WNT7A: variants seen among roughly 807,000 people sequenced by gnomAD.
WNT7A encodes the protein protein Wnt-7a.
WNT7A carries 16 observed loss-of-function variants against 28.2 expected under a neutral mutation model. That is an observed-to-expected ratio of 0.57 (90% confidence interval 0.38 to 0.86). WNT7A has a LOEUF of 0.86. Ranked by LOEUF, WNT7A falls within the 40% of genes least tolerant of loss-of-function variation. The pLI, the probability that WNT7A is intolerant of heterozygous loss-of-function variation, is 0.00. For missense variants in WNT7A, 411 were observed against 489.7 expected (o/e 0.84, Z 1.52); for synonymous variants, 190 against 195.9 (o/e 0.97, Z 0.25).
At position 13,817,762 on chromosome 3, in the gene WNT7A, C is replaced by T. The variant is rs1181070703; in HGVS notation, c.*1182G>A. On this transcript the variant is annotated 3_prime_UTR_variant, in exon 4 of 4. Transcript: ENST00000285018. The stretch of plus-strand genomic sequence containing the variant: ...GAGGTGTGGGGCTCCCTGAACTGGC[C>T]TCTGCTGCAGGATGACGGTCAAGTC... 6.6e-6 allele frequency: 1 copy of T among 152,412 alleles called. No homozygotes were observed. Among genetic ancestry groups the T allele is most frequent in the East Asian group, 1.9e-4 (1 of 5,178 alleles). 9.4% of individuals were successfully genotyped at this position (152,412 alleles called of 1,614,324 possible).
rs147652035 is a variant in WNT7A at position 13,842,105 on chromosome 3, C to A, written c.570+12427G>T. On this transcript the variant is annotated intron_variant, in intron 3 of 3. Coordinates refer to ENST00000285018, the MANE Select transcript of WNT7A (RefSeq NM_004625.4). ...GGTGAGGGAGGGGCCTGTGAGCCACCGTGAAGGCTTCTGTGTCTACTCTGG... is the reference window on the plus strand; with the variant it reads ...GGTGAGGGAGGGGCCTGTGAGCCACAGTGAAGGCTTCTGTGTCTACTCTGG... Among the ~76,000 whole-genome samples the A allele has an allele frequency of 1.6e-3, 241 of 152,064 alleles. 1 individual carries two copies. Among genetic ancestry groups the A allele is most frequent in the African/African-American group, 5.6e-3 (234 of 41,470 alleles).
chr3:13,852,107 C>A (rs1404239971), intron 3 of WNT7A, among the ~76,000 whole-genome samples: 1 of 152,232 alleles, frequency 6.6e-6, no homozygotes, highest in East Asian at 1.9e-4. Flanking sequence ...GCCCCTGCAG[C>A]ATTTATTCTC....
At chr3:13,863,828 T>A (rs1257444632) in intron 2 of WNT7A, 1 of 152,166 alleles carries the variant, frequency 6.6e-6, no homozygotes, top group Non-Finnish European at 1.5e-5. Flanking sequence ...CAGCCCTAGA[T>A]GGGTAAAATG....
intron 2 of WNT7A, among the ~76,000 whole-genome samples, chr3:13,859,984 A>G (rs1378045074): frequency 6.6e-6 from 1 of 151,024 alleles, no homozygotes; most frequent in Non-Finnish European, 1.5e-5. Flanking sequence ...AGCCCCTTAT[A>G]GCCCATCTCC....
intron 3 of WNT7A, 53 bp from the exon 4 acceptor site, chr3:13,819,476 A>G: frequency 6.3e-7 from 1 of 1,590,572 alleles, no homozygotes; most frequent in Non-Finnish European, 8.5e-7. Flanking sequence ...CGCCAAGGCC[A>G]AGTGCAGCCC....
chr3:13,824,738 C>T (rs1313589065), intron 3 of WNT7A, among the ~76,000 whole-genome samples: 2 of 152,206 alleles, frequency 1.3e-5, no homozygotes, highest in East Asian at 3.9e-4. Context: ...ATCTGGAAGG[C>T]CAATCTTTAT....
intron 1 of WNT7A, among the ~76,000 whole-genome samples, chr3:13,876,754 C>T (rs564184994): frequency 2.6e-5 from 4 of 152,178 alleles, no homozygotes; most frequent in Admixed American, 6.5e-5. Flanking sequence ...TCCCTGGAAG[C>T]GCTCTCACCC....
At chr3:13,868,611 AG>A (rs753461607) in intron 2 of WNT7A, among the ~76,000 whole-genome samples, 4,925 of 22,226 alleles carry the variant, frequency 0.22, 1,589 homozygotes, top group Non-Finnish European at 0.3. Context: ...AGAAAGAAAG[AG>A]AGAGAGAGAG....
At position 13,874,493 on chromosome 3, in the gene WNT7A, G is replaced by A. The variant is rs144462063; in HGVS notation, c.298+454C>T. On this transcript the variant is annotated intron_variant, in intron 2 of 3. Transcript: ENST00000285018. ...AGCAGTAGGGAGTGGTGGGGACTGC[G>A]GCAGTGAATGGGTTGCCCATTCACT... 4.7e-3 allele frequency among the ~76,000 whole-genome samples: 714 copies of A among 152,218 alleles called. 6 individuals carry two copies. The highest frequency in any genetic ancestry group is 0.016 in the African/African-American group (667 of 41,534).
In WNT7A at chr3:13,854,802, C is replaced by T. The variant is rs747227234; in HGVS notation, c.300G>A (p.Gly100=). Residue 100 remains glycine (G), a splice_region_variant and synonymous_variant, in exon 3 of 4, where the codon GGG becomes GGA. Coordinates refer to ENST00000285018, the MANE Select transcript of WNT7A (RefSeq NM_004625.4). ...RTVFGKELKV[G]SREAAFTYAI... is the part of the protein sequence containing the mutation. ...CGTAGGTGAACGCAGCCTCCCGGCT[C>T]CCTGCGAGGAGGAGAGAAGAGGAGA... 2 of 1,612,122 alleles carry T rather than the reference C, an allele frequency of 1.2e-6. No individual in the cohort carries two copies. The highest frequency in any genetic ancestry group is 3.3e-5 in the Admixed American group (2 of 60,012).
intron 2 of WNT7A, among the ~76,000 whole-genome samples, chr3:13,865,391 T>A (rs1157060241): frequency 6.9e-6 from 1 of 145,582 alleles, no homozygotes; most frequent in Non-Finnish European, 1.5e-5. Context: ...GCCACAGGGG[T>A]CTTTCCTAGG....
At chr3:13,861,607 A>G (rs1475262919) in intron 2 of WNT7A, among the ~76,000 whole-genome samples, 1 of 152,166 alleles carries the variant, frequency 6.6e-6, no homozygotes, top group East Asian at 1.9e-4. Context: ...CTAGGGGCAA[A>G]GAAGGCATCA....
chr3:13,820,326 G>GCA (rs1694086857), intron 3 of WNT7A, among the ~76,000 whole-genome samples: 1 of 151,572 alleles, frequency 6.6e-6, no homozygotes, highest in Admixed American at 6.6e-5. Context: ...TTAACCCCCT[G>GCA]CACACACACT....
chr3:13,825,617 TC>T (rs1400573065), intron 3 of WNT7A, among the ~76,000 whole-genome samples: 3 of 152,202 alleles, frequency 2.0e-5, no homozygotes, highest in Non-Finnish European at 4.4e-5. Context: ...AGGAGTGGGT[TC>T]CAACACACCA....
intron 3 of WNT7A, among the ~76,000 whole-genome samples, chr3:13,822,309 A>C (rs1307829832): frequency 6.6e-6 from 1 of 152,264 alleles, no homozygotes; most frequent in Non-Finnish European, 1.5e-5. Flanking sequence ...TAACAGCCAA[A>C]AAGTGAGCGG....
intron 1 of WNT7A, among the ~76,000 whole-genome samples, chr3:13,878,258 C>T (rs1057376677): frequency 1.1e-4 from 16 of 152,148 alleles, no homozygotes; most frequent in African/African-American, 3.6e-4. Flanking sequence ...TTTCTGTCTC[C>T]CCCGCCACCC....
chr3:13,871,083 C>T (rs550920412), intron 2 of WNT7A, among the ~76,000 whole-genome samples: 25 of 152,338 alleles, frequency 1.6e-4, no homozygotes, highest in South Asian at 6.2e-4. Context: ...TACAAGATTA[C>T]GCTTCCCAGC....
chr3:13,865,101 T>C (rs1694890730), intron 2 of WNT7A, among the ~76,000 whole-genome samples: 1 of 152,166 alleles, frequency 6.6e-6, no homozygotes, highest in Non-Finnish European at 1.5e-5. Flanking sequence ...TATTCCCCAG[T>C]GTGTGTGCCC....
At chr3:13,868,612 G>A (rs748151183) in intron 2 of WNT7A, among the ~76,000 whole-genome samples, 9,319 of 13,894 alleles carry the variant, frequency 0.67, 3,923 homozygotes, top group African/African-American at 0.77. Context: ...GAAAGAAAGA[G>A]AGAGAGAGAG....
Sources: gnomAD v4.1 joint callset for allele counts (sites outside exome capture counted in the v4.1 genomes callset) on GRCh38, gnomAD v4.1.1 for gene constraint, MANE v1.5 for transcripts, NCBI Gene and HGNC (gene_info 2026-07-23, HGNC 2026-07-21) for gene names.